Variants in TPCN1 observed in about 807,000 individuals in gnomAD.
TPCN1 encodes the protein two pore channel protein 1.
TPCN1 carries 52 observed loss-of-function variants against 108.8 expected under a neutral mutation model. That is an observed-to-expected ratio of 0.48 (90% CI 0.38 to 0.60). The LOEUF (loss-of-function observed/expected upper bound fraction) is 0.60, where lower values mean the gene tolerates loss of function less well. TPCN1 is among the 20% of genes least tolerant of loss of function. TPCN1 has a pLI of 0.00. For synonymous variants in TPCN1, 446 were observed against 433.7 expected, an observed-to-expected ratio of 1.03 and a Z score of -0.35; for missense variants, 806 against 1,072.8, an observed-to-expected ratio of 0.75 and a Z score of 3.47.
intron 14 of TPCN1, among the ~76,000 whole-genome samples, chr12:113,279,198 G>A (rs557106107): frequency 5.9e-5 from 9 of 151,272 alleles, no homozygotes; most frequent in South Asian, 4.2e-4. Context: ...GTTCTCTGAT[G>A]TGTTTCCCTC....
At chr12:113,291,746 G>C in intron 24 of TPCN1, 69 bp downstream of exon 24, 1 of 1,586,692 alleles carries the variant, frequency 6.3e-7, no homozygotes, top group Middle Eastern at 1.7e-4. Context: ...CTGCTCTTCA[G>C]CCTGCAGCGT....
chr12:113,288,192 A>C lies in TPCN1; in HGVS notation c.1664A>C (p.Asn555Thr). The change falls in exon 20 of 28, where the codon AAC becomes ACC. Residue 555 changes from asparagine to threonine, a missense_variant. Coordinates refer to ENST00000335509, the MANE Select transcript of TPCN1 (RefSeq NM_017901.6). This position sits in a 1 kb window ranked among gnomAD's most constrained non-coding sequence, Gnocchi z 4.8. The stretch of plus-strand genomic sequence containing the variant: ...TTTAAGTTGAAGGAGCGCTACCGCA[A>C]CGTGCTGGACACCATGTTCGAGCTG... ...RLFKLKERYR[N>T]VLDTMFELLP... 1 of 1,613,948 alleles carries C rather than the reference A, an allele frequency of 6.2e-7. No homozygotes were observed. The highest frequency in any genetic ancestry group is 2.2e-5 in the East Asian group (1 of 44,872).
At chr12:113,295,879 T>C (rs1956408588) in intron 27 of TPCN1, 81 bp from the exon 28 acceptor site, 6 of 1,403,508 alleles carry the variant, frequency 4.3e-6, no homozygotes, top group Non-Finnish European at 5.8e-6. Context: ...GCCTGGATGC[T>C]GTGGGCTGTG....
chr12:113,257,017 G>C (rs914427233), intron 2 of TPCN1, among the ~76,000 whole-genome samples: 1 of 151,982 alleles, frequency 6.6e-6, no homozygotes, highest in South Asian at 2.1e-4. Context: ...TGTATCCAGA[G>C]TGTATAAAAG....
At position 113,231,367 on chromosome 12, in the gene TPCN1, CAT is replaced by C. The variant is rs1953681438; in HGVS notation, c.112+4404_112+4405del. Among the ~76,000 whole-genome samples the C allele has an allele frequency of 6.6e-6, 1 of 152,242 alleles. No homozygotes were observed. Among genetic ancestry groups the C allele is most frequent in the Non-Finnish European group, 1.5e-5 (1 of 68,048 alleles). On this transcript the variant is annotated intron_variant, in intron 2 of 27. Coordinates refer to ENST00000335509, the MANE Select transcript of TPCN1 (RefSeq NM_017901.6). The surrounding 1 kb of genome is among the most constrained non-coding windows in gnomAD (Gnocchi z 4.3). ...TGGTTATCTTCTTGCTGTGTCCCCA[CAT>C]GATTGTCCCTGAGTCTGTGTGTCTG...
intron 18 of TPCN1, 126 bp downstream of exon 18, chr12:113,286,087 G>A (rs1021607737): frequency 6.1e-6 from 5 of 822,948 alleles, no homozygotes; most frequent in Non-Finnish European, 1.0e-5. Flanking sequence ...GATGGGCTGA[G>A]GCCTATGTCT....
chr12:113,256,292 T>TG (rs1171495692), intron 2 of TPCN1, among the ~76,000 whole-genome samples: 1 of 149,822 alleles, frequency 6.7e-6, no homozygotes, highest in African/African-American at 2.4e-5. Context: ...CTTTTTAAAT[T>TG]TTTTTTTTTT....
At chr12:113,291,806 T>C (rs948702104) in intron 24 of TPCN1, 68 bp from the exon 25 acceptor site, 3 of 1,569,844 alleles carry the variant, frequency 1.9e-6, no homozygotes, top group East Asian at 2.2e-5. Flanking sequence ...GGGCGTGGGC[T>C]GCGCAGCCAC....
Position 113,288,655 on chromosome 12 carries a change from G to A in TPCN1, c.1707-103G>A, listed in dbSNP as rs987317167. The A allele has an allele frequency of 3.8e-6, 6 of 1,560,386 alleles. No homozygotes were observed. The Admixed American group carries it at 5.3e-5, about 14-fold the overall frequency. The stretch of plus-strand genomic sequence containing the variant: ...TTTCCAGTTGGTGAACCGACCAGGG[G>A]CATGGCCCTGCAGTCAGCCCCACGG... On this transcript the variant is annotated intron_variant, in intron 20 of 27. Transcript: ENST00000335509. This position sits in a 1 kb window ranked among gnomAD's most constrained non-coding sequence, Gnocchi z 4.8.
chr12:113,285,188 T>A (rs1429694701), intron 17 of TPCN1, among the ~76,000 whole-genome samples: 1 of 152,236 alleles, frequency 6.6e-6, no homozygotes, highest in Non-Finnish European at 1.5e-5. Context: ...TGTGTTGTCA[T>A]TCCCTGTTGG....
At chr12:113,270,991 C>G (rs1223921532) in intron 7 of TPCN1, among the ~76,000 whole-genome samples, 2 of 152,156 alleles carry the variant, frequency 1.3e-5, no homozygotes, top group East Asian at 3.8e-4. Flanking sequence ...GGCATGGTGT[C>G]CCACGCTGAT....
At position 113,290,932 on chromosome 12, in the gene TPCN1, T is replaced by A. The variant is rs1382687372; in HGVS notation, c.1913-20T>A. 8.1e-6 allele frequency: 13 copies of A among 1,613,520 alleles called. No homozygotes were observed. Among genetic ancestry groups the A allele is most frequent in the Admixed American group, 1.7e-5 (1 of 60,024 alleles). On this transcript the variant is annotated intron_variant, in intron 22 of 27. Transcript: ENST00000335509. ...AAGTGGGGTCTCATCAGGATGCTTC[T>A]TTCTCTCTTCCCTCGGCAGTGACCC...
In TPCN1 at chr12:113,231,876, A is replaced by G. The variant is rs1311161012; in HGVS notation, c.112+4912A>G. Reference sequence around the variant, plus strand: ...CAGTCAGCGGGGCCACTGTTAGAGCAGTGTAGAGACAGACCACAGTCCACA... The same window carrying G: ...CAGTCAGCGGGGCCACTGTTAGAGCGGTGTAGAGACAGACCACAGTCCACA... On this transcript the variant is annotated intron_variant, in intron 2 of 27. Transcript: ENST00000335509. The surrounding 1 kb of genome is among the most constrained non-coding windows in gnomAD (Gnocchi z 4.3). Among the ~76,000 whole-genome samples the G allele has an allele frequency of 6.6e-6, 1 of 152,226 alleles. No individual in the cohort carries two copies. Among genetic ancestry groups the G allele is most frequent in the Non-Finnish European group, 1.5e-5 (1 of 68,026 alleles).
At chr12:113,261,850 C>T (rs1167926999) in intron 3 of TPCN1, among the ~76,000 whole-genome samples, 27 of 151,976 alleles carry the variant, frequency 1.8e-4, no homozygotes, top group Admixed American at 1.8e-3. Flanking sequence ...CACCCCCCAC[C>T]CCCTTACATC....
intron 2 of TPCN1, among the ~76,000 whole-genome samples, chr12:113,247,297 T>A (rs1748132978): frequency 6.6e-6 from 1 of 152,128 alleles, no homozygotes; most frequent in Non-Finnish European, 1.5e-5. Context: ...CAGAAACCAC[T>A]CCATCTGCAC....
chr12:113,288,614 C>CGGAA lies in TPCN1; in HGVS notation c.1707-144_1707-143insGGAA. On this transcript the variant is annotated intron_variant, in intron 20 of 27. Transcript: ENST00000335509. The surrounding 1 kb of genome is among the most constrained non-coding windows in gnomAD (Gnocchi z 4.8). ...CACCCCAGAGCTGCCCCACGAGGCC[C>CGGAA]CTTCCCCGCAGGCACTTTCCAGTTG... The CGGAA allele has an allele frequency of 1.3e-6, 2 of 1,514,330 alleles. No homozygotes were observed. Among genetic ancestry groups the CGGAA allele is most frequent in the Non-Finnish European group, 8.8e-7 (1 of 1,135,484 alleles). The allele number at this position is 1,514,330 out of a possible 1,614,324, so 93.8% of individuals were successfully genotyped here. A position where few individuals can be genotyped will look rare whatever the true frequency, so the allele number is the denominator to read the frequency against.
intron 2 of TPCN1, chr12:113,244,673 T>C (rs1328246424): frequency 3.0e-6 from 3 of 985,430 alleles, no homozygotes; most frequent in Non-Finnish European, 3.6e-6. Context: ...CAGTGACAAC[T>C]GGCAAGCGGC....
Position 113,269,644 on chromosome 12 carries a change from G to T in TPCN1, c.660-113G>T, listed in dbSNP as rs983613589. ...GAAGCATGATGTCACACCAGAGTGC[G>T]TCAGGGTTTAGTATTTCGAGTCAGA... On this transcript the variant is annotated intron_variant, in intron 6 of 27. Transcript: ENST00000335509. This position sits in a 1 kb window ranked among gnomAD's most constrained non-coding sequence, Gnocchi z 5.0. The T allele has an allele frequency of 3.1e-5, 28 of 892,044 alleles. No individual in the cohort carries two copies. The highest frequency in any genetic ancestry group is 4.5e-4 in the Middle Eastern group (2 of 4,494). 55.3% of individuals were successfully genotyped at this position (892,044 alleles called of 1,614,324 possible).
intron 1 of TPCN1, among the ~76,000 whole-genome samples, chr12:113,222,131 A>G (rs150319096): frequency 4.6e-5 from 7 of 151,414 alleles, no homozygotes; most frequent in Non-Finnish European, 7.4e-5. Context: ...TTCTAGCCCT[A>G]CTCCTCCACT....
Sources: allele counts gnomAD v4.1 joint callset (sites outside exome capture counted in the v4.1 genomes callset), GRCh38; gene constraint gnomAD v4.1.1; non-coding constraint Gnocchi (gnomAD v3.1); transcripts MANE v1.5; gene names NCBI Gene and HGNC (gene_info 2026-07-23, HGNC 2026-07-21).